The following PCDHGB4 variants were observed in gnomAD, a reference collection of about 807,000 sequenced individuals.
The protein encoded by PCDHGB4 is protocadherin gamma-B4.
A neutral mutation model predicts 60.5 loss-of-function variants in PCDHGB4; 38 were observed. That is an observed-to-expected ratio of 0.63 (90% CI 0.48 to 0.82). The LOEUF (loss-of-function observed/expected upper bound fraction) is 0.82. Among genes scored for constraint, PCDHGB4 ranks in the 40% least tolerant of loss-of-function variants. The probability of loss-of-function intolerance (pLI) is 0.00; values close to 1 mark genes in which losing one functional copy is unlikely to be tolerated. For synonymous variants in PCDHGB4, 456 were observed against 509.7 expected (o/e 0.89, Z 1.42); for missense variants, 1,109 against 1,209.6 (o/e 0.92, Z 1.23).
chr5:141,400,233 C>T lies in PCDHGB4; in HGVS notation c.2397+9952C>T, dbSNP rs373858401. ...TGATCTCAGTGCTCTTCCTCCTGGCCGTGATTCTGGCCGTTGCCTTGCGCC... is the reference window on the plus strand; with the variant it reads ...TGATCTCAGTGCTCTTCCTCCTGGCTGTGATTCTGGCCGTTGCCTTGCGCC... On this transcript the variant is annotated intron_variant, in intron 1 of 3. Coordinates refer to ENST00000519479, the MANE Select transcript of PCDHGB4 (RefSeq NM_003736.4). 100 of 1,613,988 alleles carry T rather than the reference C, an allele frequency of 6.2e-5. 1 individual carries two copies. The African/African-American group carries it at 1.1e-3, about 18-fold the overall frequency.
At chr5:141,415,122 C>T (rs552568826) in intron 1 of PCDHGB4, 34 of 1,613,668 alleles carry the variant, frequency 2.1e-5, no homozygotes, top group Admixed American at 6.7e-5. Flanking sequence ...TCGTAGTGGC[C>T]GTCCAGGACC....
intron 1 of PCDHGB4, chr5:141,421,835 G>A (rs755889809): frequency 5.6e-6 from 9 of 1,613,746 alleles, no homozygotes; most frequent in Non-Finnish European, 6.8e-6. Context: ...AGCCTGGACC[G>A]AGAGAAAGAG....
chr5:141,457,632 G>T (rs919693977), intron 1 of PCDHGB4, among the ~76,000 whole-genome samples: 1 of 152,142 alleles, frequency 6.6e-6, no homozygotes, highest in Non-Finnish European at 1.5e-5. Context: ...CTTATACTTG[G>T]CCTGATTATT....
rs375009380 is a variant in PCDHGB4, at chr5:141,388,811, A to C, written c.927A>C (p.Glu309Asp). 1.3e-5 allele frequency: 21 copies of C among 1,613,866 alleles called. No individual in the cohort carries two copies. The highest frequency in any genetic ancestry group is 1.6e-5 in the Non-Finnish European group (19 of 1,179,870). The change falls in exon 1 of 4, where the codon GAA becomes GAC. Residue 309 changes from glutamate (E) to aspartate (D), a missense_variant. By Grantham distance (45) the Glu-to-Asp change is conservative. Coordinates refer to ENST00000519479, the MANE Select transcript of PCDHGB4 (RefSeq NM_003736.4). ...TTTTAAATACATTAGATTTTGAAGAAGTCAAAGAATATTCCATAGTTTTGG... is the reference window on the plus strand; with the variant it reads ...TTTTAAATACATTAGATTTTGAAGACGTCAAAGAATATTCCATAGTTTTGG... ...ITVLNTLDFEEVKEYSIVLEA... is the reference protein window; with the variant it reads ...ITVLNTLDFEDVKEYSIVLEA...
In PCDHGB4 at chr5:141,477,836, G is replaced by T. The variant is rs1344676631; in HGVS notation, c.2398-16971G>T. On this transcript the variant is annotated intron_variant, in intron 1 of 3. Transcript: ENST00000519479. This position sits in a 1 kb window ranked among gnomAD's most constrained non-coding sequence, Gnocchi z 4.9. ...CCAGGTCCTATATCCTCGGCCAGGT[G>T]GGAGCTCGGTGGAGATGCTGCCTCG... The T allele has an allele frequency of 1.2e-6, 2 of 1,613,952 alleles. No individual in the cohort carries two copies. Among genetic ancestry groups the T allele is most frequent in the Non-Finnish European group, 1.7e-6 (2 of 1,180,012 alleles).
intron 1 of PCDHGB4, chr5:141,428,256 T>A: frequency 1.2e-6 from 1 of 863,822 alleles, no homozygotes; most frequent in Non-Finnish European, 1.9e-6. Flanking sequence ...CAGACTTCAG[T>A]GACAGTCCTG....
chr5:141,390,561 G>A (rs921631416), intron 1 of PCDHGB4: 1 of 436,212 alleles, frequency 2.3e-6, no homozygotes, highest in African/African-American at 2.0e-5. Flanking sequence ...TTAGACAGTT[G>A]TTGGCTCTCT....
chr5:141,489,915 C>T lies in PCDHGB4; in HGVS notation c.2398-4892C>T, dbSNP rs971312502. On this transcript the variant is annotated intron_variant, in intron 1 of 3. Coordinates refer to ENST00000519479, the MANE Select transcript of PCDHGB4 (RefSeq NM_003736.4). This position sits in a 1 kb window ranked among gnomAD's most constrained non-coding sequence, Gnocchi z 4.5. ...GGGGGACCCCAGCCCGCTCAGGGAC[C>T]ACCCTTATCTCTGTCATCGTGCTGG... The T allele has an allele frequency of 6.2e-7, 1 of 1,614,242 alleles. No individual in the cohort carries two copies. Among genetic ancestry groups the T allele is most frequent in the Non-Finnish European group, 8.5e-7 (1 of 1,180,044 alleles).
chr5:141,398,738 A>G, intron 1 of PCDHGB4: 1 of 1,613,880 alleles, frequency 6.2e-7, no homozygotes, highest in Admixed American at 1.7e-5. Flanking sequence ...GACCGGGAAC[A>G]ACAGAGTTAC....
chr5:141,418,969 A>C, intron 1 of PCDHGB4: 1 of 1,614,028 alleles, frequency 6.2e-7, no homozygotes, highest in Non-Finnish European at 8.5e-7. Flanking sequence ...CCCTCTTCAA[A>C]ACACGGGACC....
chr5:141,478,637 G>A (rs1227108157), intron 1 of PCDHGB4: 2 of 1,552,684 alleles, frequency 1.3e-6, no homozygotes, highest in Non-Finnish European at 1.7e-6. Context: ...TTTTAGTGAT[G>A]AAGATGTTTT....
chr5:141,471,893 T>G (rs1289667371), intron 1 of PCDHGB4, among the ~76,000 whole-genome samples: 1 of 152,166 alleles, frequency 6.6e-6, no homozygotes, highest in African/African-American at 2.4e-5. Flanking sequence ...CTAGGAAGAT[T>G]GACTACAGAC....
At chr5:141,408,914 A>C in intron 1 of PCDHGB4, 1 of 1,613,446 alleles carries the variant, frequency 6.2e-7, no homozygotes, top group Non-Finnish European at 8.5e-7. Context: ...TACCAATGAT[A>C]ACCCCCCGGT....
chr5:141,439,800 T>C (rs1393580217), intron 1 of PCDHGB4: 1 of 152,300 alleles, frequency 6.6e-6, no homozygotes, highest in Admixed American at 6.5e-5. Context: ...CAAGAAGAGT[T>C]TGAAAAGGGG....
intron 1 of PCDHGB4, chr5:141,404,969 G>T (rs2094589920): frequency 6.2e-7 from 1 of 1,613,964 alleles, no homozygotes; most frequent in East Asian, 2.2e-5. Context: ...AGACATCCTG[G>T]CTGACCTGGG....
intron 1 of PCDHGB4, chr5:141,393,374 T>G (rs11575958): frequency 0.026 from 42,476 of 1,613,728 alleles, 744 homozygotes; most frequent in East Asian, 0.04. Flanking sequence ...CTGGAGACAA[T>G]GGAGCCATAA....
intron 1 of PCDHGB4, chr5:141,413,602 G>A (rs1561743581): frequency 6.2e-7 from 1 of 1,613,860 alleles, no homozygotes; most frequent in Non-Finnish European, 8.5e-7. Flanking sequence ...AGAAAATCTA[G>A]ACGTAAAAAT....
At position 141,413,154 on chromosome 5, in the gene PCDHGB4, A is replaced by C. The variant is rs1308503780; in HGVS notation, c.2397+22873A>C. 10 of 1,576,026 alleles carry C rather than the reference A, an allele frequency of 6.3e-6. No homozygotes were observed. In the South Asian group the frequency reaches 1.2e-4, roughly 18 times the overall value. ...ACAACGTGTCCAGTGAGGACTTTGC[A>C]GAATTCTGTAACCAGACTACAATGG... On this transcript the variant is annotated intron_variant, in intron 1 of 3. Coordinates refer to ENST00000519479, the MANE Select transcript of PCDHGB4 (RefSeq NM_003736.4).
At chr5:141,416,657 A>C (rs1194195210) in intron 1 of PCDHGB4, 6 of 152,232 alleles carry the variant, frequency 3.9e-5, no homozygotes, top group Non-Finnish European at 7.3e-5. Context: ...TGTAAAAAAG[A>C]AAAGAATATA....
Sources: gnomAD v4.1 joint callset for allele counts (sites outside exome capture counted in the v4.1 genomes callset) on GRCh38, gnomAD v4.1.1 for gene constraint, Gnocchi (gnomAD v3.1) non-coding constraint, MANE v1.5 for transcripts, NCBI Gene and HGNC (gene_info 2026-07-23, HGNC 2026-07-21) for gene names.